The following NOS1AP variants were observed in gnomAD, a reference collection of about 807,000 sequenced individuals.
The protein encoded by NOS1AP is carboxyl-terminal PDZ ligand of neuronal nitric oxide synthase protein.
A neutral mutation model predicts 56.2 loss-of-function variants in NOS1AP; 21 were observed. The observed-to-expected ratio is 0.37, with a 90% CI of 0.26 to 0.54. The LOEUF is 0.54. NOS1AP is among the 20% of genes least tolerant of loss of function. The pLI, the probability that NOS1AP is intolerant of heterozygous loss-of-function variation, is 0.84. For synonymous variants in NOS1AP, 270 were observed against 274.6 expected (o/e 0.98, Z 0.17); for missense variants, 522 against 657.8 (o/e 0.79, Z 2.26).
rs28517554 is a variant in NOS1AP, at chr1:162,081,759, T to G, written c.105+11477T>G. 2.9e-4 allele frequency among the ~76,000 whole-genome samples: 7 copies of G among 24,330 alleles called. No homozygotes were observed. In the Admixed American group the frequency reaches 3.6e-3, roughly 12 times the overall value. The allele number at this position is 24,330 out of a possible 152,430, so 16.0% of individuals were successfully genotyped here. On this transcript the variant is annotated intron_variant, in intron 1 of 9. Coordinates refer to ENST00000361897, the MANE Select transcript of NOS1AP (RefSeq NM_014697.3). ...ATATCTATATCTATATCTATAGATATATATATATATATATATTTTTTTTTT... is the reference window on the plus strand; with the variant it reads ...ATATCTATATCTATATCTATAGATAGATATATATATATATATTTTTTTTTT...
At chr1:162,087,071 G>A (rs935389914) in intron 1 of NOS1AP, among the ~76,000 whole-genome samples, 6 of 152,088 alleles carry the variant, frequency 3.9e-5, no homozygotes, top group African/African-American at 1.4e-4. Flanking sequence ...TTGAACTTTT[G>A]TATTTTCTGC....
intron 2 of NOS1AP, among the ~76,000 whole-genome samples, chr1:162,196,035 G>A (rs903836116): frequency 2.6e-5 from 4 of 152,214 alleles, no homozygotes; most frequent in East Asian, 1.9e-4. Context: ...AAAGGTTTTC[G>A]CTGATAGGAC....
chr1:162,126,630 C>T (rs1648502384), intron 1 of NOS1AP, among the ~76,000 whole-genome samples: 1 of 151,706 alleles, frequency 6.6e-6, no homozygotes. Flanking sequence ...TGTTTTAAAG[C>T]CATATAGTTT....
chr1:162,136,983 G>A (rs1212073398), intron 1 of NOS1AP, among the ~76,000 whole-genome samples: 1 of 152,110 alleles, frequency 6.6e-6, no homozygotes, highest in Non-Finnish European at 1.5e-5. Flanking sequence ...AAAGCACCTC[G>A]GACTTGCTCA....
chr1:162,370,315 T>TA lies in NOS1AP; in HGVS notation c.*2850dup, dbSNP rs1479491612. The TA allele has an allele frequency of 6.6e-6, 1 of 152,230 alleles. No homozygotes were observed. Among genetic ancestry groups the TA allele is most frequent in the Non-Finnish European group, 1.5e-5 (1 of 68,060 alleles). 9.4% of individuals were successfully genotyped at this position (152,230 alleles called of 1,614,324 possible). The stretch of plus-strand genomic sequence containing the variant: ...TACTCTTTGCTTGACTGCTTCCTCC[T>TA]AACCCTCTACCCACTAGCACTCTAC... On this transcript the variant is annotated 3_prime_UTR_variant, in exon 10 of 10. Coordinates refer to ENST00000361897, the MANE Select transcript of NOS1AP (RefSeq NM_014697.3).
At chr1:162,113,882 A>C (rs1647812263) in intron 1 of NOS1AP, among the ~76,000 whole-genome samples, 1 of 152,248 alleles carries the variant, frequency 6.6e-6, no homozygotes, top group Admixed American at 6.5e-5. Flanking sequence ...ACTTGCCTCT[A>C]GTTGCTCTTG....
chr1:162,209,755 G>A (rs1230101219), intron 2 of NOS1AP, among the ~76,000 whole-genome samples: 1 of 152,086 alleles, frequency 6.6e-6, no homozygotes, highest in Non-Finnish European at 1.5e-5. Flanking sequence ...AAGCTCTCAT[G>A]AAGCTGAGAG....
At chr1:162,085,678 G>C (rs1691986449) in intron 1 of NOS1AP, among the ~76,000 whole-genome samples, 1 of 152,160 alleles carries the variant, frequency 6.6e-6, no homozygotes, top group South Asian at 2.1e-4. Context: ...TCTATAGGAA[G>C]CATTTATTGT....
intron 2 of NOS1AP, among the ~76,000 whole-genome samples, chr1:162,224,928 C>T (rs1044353786): frequency 1.8e-4 from 28 of 152,120 alleles, no homozygotes; most frequent in Admixed American, 4.6e-4. Flanking sequence ...GCAGGGCCCC[C>T]GGGAAGTCTT....
chr1:162,202,864 A>G (rs1652041121), intron 2 of NOS1AP, among the ~76,000 whole-genome samples: 1 of 152,238 alleles, frequency 6.6e-6, no homozygotes, highest in Non-Finnish European at 1.5e-5. Context: ...TGGAAATAAA[A>G]TATATGGCTG....
In NOS1AP at chr1:162,369,125, G is replaced by C. The variant is rs912195848; in HGVS notation, c.*1658G>C. Reference sequence around the variant, plus strand: ...CATGTGTTTATATATACATGTGTGAGGGAAAGTGTGTACATATATGTAGGA... The same window carrying C: ...CATGTGTTTATATATACATGTGTGACGGAAAGTGTGTACATATATGTAGGA... On this transcript the variant is annotated 3_prime_UTR_variant, in exon 10 of 10. Transcript: ENST00000361897. 3.3e-5 allele frequency: 5 copies of C among 152,192 alleles called. No individual in the cohort carries two copies. Among genetic ancestry groups the C allele is most frequent in the Non-Finnish European group, 7.3e-5 (5 of 68,038 alleles). The allele number at this position is 152,192 out of a possible 1,614,324, so 9.4% of individuals were successfully genotyped here. A position where few individuals can be genotyped will look rare whatever the true frequency, so the allele number is the denominator to read the frequency against.
chr1:162,166,578 CTTCTT>C, intron 2 of NOS1AP, among the ~76,000 whole-genome samples: 1 of 152,294 alleles, frequency 6.6e-6, no homozygotes, highest in Admixed American at 6.5e-5. Context: ...GTAGTTTTCT[CTTCTT>C]TTGTGTTACC....
At chr1:162,154,805 A>G (rs770155117) in intron 2 of NOS1AP, among the ~76,000 whole-genome samples, 16 of 152,048 alleles carry the variant, frequency 1.1e-4, no homozygotes, top group Non-Finnish European at 1.9e-4. Flanking sequence ...TTTTAGGGAA[A>G]AGGTTTAGTA....
intron 4 of NOS1AP, among the ~76,000 whole-genome samples, chr1:162,321,250 G>C (rs985411978): frequency 1.3e-5 from 2 of 152,150 alleles, no homozygotes; most frequent in African/African-American, 4.8e-5. Flanking sequence ...TAGATGTGTG[G>C]TATTATTTCT....
intron 2 of NOS1AP, among the ~76,000 whole-genome samples, chr1:162,272,153 GTACTGTT>G (rs1654599965): frequency 6.6e-6 from 1 of 152,110 alleles, no homozygotes; most frequent in African/African-American, 2.4e-5. Context: ...CTCCTGGCAA[GTACTGTT>G]TTTATAAGAC....
At chr1:162,134,472 G>C (rs1372443311) in intron 1 of NOS1AP, among the ~76,000 whole-genome samples, 4 of 134,268 alleles carry the variant, frequency 3.0e-5, no homozygotes, top group Non-Finnish European at 4.7e-5. Flanking sequence ...GAGTGACAGA[G>C]GGAGACTTTG....
chr1:162,291,491 G>GA (rs201621649), intron 3 of NOS1AP, among the ~76,000 whole-genome samples: 4,536 of 141,562 alleles, frequency 0.032, 102 homozygotes, highest in Non-Finnish European at 0.046. Flanking sequence ...AGTTTAAAAG[G>GA]AAAAAAAAAA....
rs1396272869 is a variant in NOS1AP at position 162,070,133 on chromosome 1, C to G, written c.-45C>G. On this transcript the variant is annotated 5_prime_UTR_variant, in exon 1 of 10. Transcript: ENST00000361897. ...CTCCCCGGGGTCTCGCCAGCCCCTT[C>G]CTGCAGCCGCCGCCTCCGAAGGAGC... 1 of 1,525,194 alleles carries G rather than the reference C, an allele frequency of 6.6e-7. No individual in the cohort carries two copies. Among genetic ancestry groups the G allele is most frequent in the Non-Finnish European group, 9.1e-7 (1 of 1,100,186 alleles). 94.5% of individuals were successfully genotyped at this position (1,525,194 alleles called of 1,614,324 possible).
chr1:162,176,565 G>A (rs1276741019), intron 2 of NOS1AP, among the ~76,000 whole-genome samples: 1 of 133,164 alleles, frequency 7.5e-6, no homozygotes, highest in African/African-American at 2.8e-5. Context: ...CTGGAGTGCA[G>A]TGGTGTGATC....
Sources: allele counts gnomAD v4.1 joint callset (sites outside exome capture counted in the v4.1 genomes callset), GRCh38; gene constraint gnomAD v4.1.1; transcripts MANE v1.5; gene names NCBI Gene and HGNC (gene_info 2026-07-23, HGNC 2026-07-21).